Variants in GABRG3 observed in about 807,000 individuals in gnomAD.
The protein encoded by GABRG3 is gamma-aminobutyric acid receptor subunit gamma-3.
In GABRG3, 25 loss-of-function variants were observed where a neutral mutation model predicts 48.8. The ratio of observed to expected loss-of-function variants is 0.51; its 90% CI spans 0.37 to 0.72. The LOEUF (loss-of-function observed/expected upper bound fraction) is 0.72. Ranked by LOEUF, GABRG3 falls within the 30% of genes least tolerant of loss-of-function variation. The pLI is 0.00. For missense variants in GABRG3, 394 were observed against 577.9 expected (o/e 0.68, Z 3.26); for synonymous variants, 227 against 217.6 (o/e 1.04, Z -0.38).
intron 4 of GABRG3, among the ~76,000 whole-genome samples, 155 bp downstream of exon 4, chr15:27,327,184 C>A (rs760819618): frequency 2.6e-5 from 4 of 152,160 alleles, no homozygotes; most frequent in African/African-American, 9.7e-5. Flanking sequence ...CCTCATGCAA[C>A]ATGTGTAAAA....
At chr15:27,425,865 A>G (rs932889282) in intron 5 of GABRG3, among the ~76,000 whole-genome samples, 3 of 152,156 alleles carry the variant, frequency 2.0e-5, no homozygotes, top group Non-Finnish European at 4.4e-5. Flanking sequence ...CTTTTATTCA[A>G]TGTTTGAAAC....
rs76513984 is a variant in GABRG3 at position 27,094,016 on chromosome 15, T to C, written c.270+67195T>C. On this transcript the variant is annotated intron_variant, in intron 3 of 9. Transcript: ENST00000615808. ...CTCCTGCCATTGTTCTGACACCTGA[T>C]GTTGGTTTTATGCATGCAGATCACA... 2.1e-3 allele frequency among the ~76,000 whole-genome samples: 326 copies of C among 152,284 alleles called. 3 individuals are homozygous for C. Among genetic ancestry groups the C allele is most frequent in the East Asian group, 6.6e-3 (34 of 5,176 alleles).
Position 26,989,771 on chromosome 15 carries a change from C to A in GABRG3, c.202+12621C>A, listed in dbSNP as rs568764213. Reference sequence around the variant, plus strand: ...ATATTCATTAACTGTCCCCACCTTCCCCTCCTCCTCACCACCCTTCCCAGC... The same window carrying A: ...ATATTCATTAACTGTCCCCACCTTCACCTCCTCCTCACCACCCTTCCCAGC... On this transcript the variant is annotated intron_variant, in intron 2 of 9. Transcript: ENST00000615808. Among the ~76,000 whole-genome samples, 92 of 152,178 alleles carry A rather than the reference C, an allele frequency of 6.0e-4. No homozygotes were observed. In the South Asian group the frequency reaches 9.3e-3, roughly 15 times the overall value.
chr15:27,488,377 A>G (rs572822163), intron 6 of GABRG3, among the ~76,000 whole-genome samples: 2 of 152,288 alleles, frequency 1.3e-5, no homozygotes, highest in African/African-American at 4.8e-5. Flanking sequence ...GAGGTTGAGA[A>G]TGTGATGCTG....
intron 5 of GABRG3, among the ~76,000 whole-genome samples, chr15:27,330,078 A>T (rs1893753555): frequency 6.6e-6 from 1 of 152,146 alleles, no homozygotes; most frequent in South Asian, 2.1e-4. Context: ...TGTCTCTACT[A>T]AAAATACAAA....
chr15:27,336,765 A>G (rs537334348), intron 5 of GABRG3, among the ~76,000 whole-genome samples: 1 of 152,222 alleles, frequency 6.6e-6, no homozygotes, highest in South Asian at 2.1e-4. Flanking sequence ...AACAGCCCTC[A>G]TGTTCTTCAG....
At chr15:27,177,076 T>C (rs1468001411) in intron 3 of GABRG3, among the ~76,000 whole-genome samples, 1 of 152,110 alleles carries the variant, frequency 6.6e-6, no homozygotes, top group East Asian at 1.9e-4. Flanking sequence ...GCTAGGGTTT[T>C]TAAGGATAAC....
intron 2 of GABRG3, among the ~76,000 whole-genome samples, chr15:27,011,162 C>CG (rs904235097): frequency 7.2e-5 from 11 of 152,144 alleles, no homozygotes; most frequent in Non-Finnish European, 8.8e-5. Flanking sequence ...CCACTGTTCC[C>CG]GGGCAAACAC....
chr15:27,018,410 A>T (rs1041712228), intron 2 of GABRG3, among the ~76,000 whole-genome samples: 1 of 152,198 alleles, frequency 6.6e-6, no homozygotes, highest in Non-Finnish European at 1.5e-5. Context: ...AAGGTCTTTT[A>T]ATAGTATATT....
At chr15:27,091,341 T>G (rs564355937) in intron 3 of GABRG3, among the ~76,000 whole-genome samples, 10 of 152,378 alleles carry the variant, frequency 6.6e-5, no homozygotes, top group African/African-American at 2.2e-4. Flanking sequence ...TTGATCATGA[T>G]GTATAATCCC....
chr15:27,228,355 A>G (rs1029740795), intron 3 of GABRG3, among the ~76,000 whole-genome samples: 2 of 152,210 alleles, frequency 1.3e-5, no homozygotes, highest in Non-Finnish European at 2.9e-5. Flanking sequence ...TAAGAGTGGT[A>G]GCCTCCAGCT....
intron 3 of GABRG3, among the ~76,000 whole-genome samples, chr15:27,067,429 C>T (rs1226814047): frequency 6.6e-6 from 1 of 152,158 alleles, no homozygotes; most frequent in African/African-American, 2.4e-5. Context: ...TCGCCTCTGC[C>T]CCTTTCCGGA....
intron 3 of GABRG3, among the ~76,000 whole-genome samples, chr15:27,081,495 C>A (rs998621630): frequency 2.6e-5 from 4 of 152,016 alleles, no homozygotes; most frequent in Non-Finnish European, 5.9e-5. Flanking sequence ...AATAGAAATA[C>A]ATTCATTGAT....
In GABRG3 at chr15:27,466,659, A is replaced by G. The variant is rs554176622; in HGVS notation, c.575-13991A>G. On this transcript the variant is annotated intron_variant, in intron 5 of 9. Transcript: ENST00000615808. ...CTTCTGTAGACAAAAGGCTGTGCAC[A>G]GTGTAATTTTTCTCTGAGGCTGCTG... is the stretch of plus-strand genomic sequence containing the variant. 1.6e-3 allele frequency among the ~76,000 whole-genome samples: 247 copies of G among 152,324 alleles called. 2 individuals carry two copies. The highest frequency in any genetic ancestry group is 2.9e-3 in the Non-Finnish European group (194 of 68,034).
intron 9 of GABRG3, among the ~76,000 whole-genome samples, chr15:27,531,591 C>T (rs1232685693): frequency 6.6e-6 from 1 of 152,198 alleles, no homozygotes; most frequent in African/African-American, 2.4e-5. Flanking sequence ...CTGCCATTGG[C>T]ATCCCATCTC....
chr15:27,253,298 C>T (rs1346976800), intron 3 of GABRG3, among the ~76,000 whole-genome samples: 1 of 152,188 alleles, frequency 6.6e-6, no homozygotes, highest in Admixed American at 6.5e-5. Flanking sequence ...CAGAGCAGCT[C>T]CACACCCCAG....
At chr15:27,033,379 C>T (rs1896120710) in intron 3 of GABRG3, among the ~76,000 whole-genome samples, 1 of 152,048 alleles carries the variant, frequency 6.6e-6, no homozygotes, top group Admixed American at 6.5e-5. Flanking sequence ...CCCATCCTAG[C>T]CATGCATCCT....
At position 27,431,426 on chromosome 15, in the gene GABRG3, G is replaced by C. The variant is rs188820290; in HGVS notation, c.575-49224G>C. Reference sequence around the variant, plus strand: ...TTTTTATTCTAATCGTTTTTTTGTGGATTCATTAGGAATTTCTATATATGA... The same window carrying C: ...TTTTTATTCTAATCGTTTTTTTGTGCATTCATTAGGAATTTCTATATATGA... On this transcript the variant is annotated intron_variant, in intron 5 of 9. Coordinates refer to ENST00000615808, the MANE Select transcript of GABRG3 (RefSeq NM_033223.5). 2.6e-4 allele frequency among the ~76,000 whole-genome samples: 40 copies of C among 152,034 alleles called. No homozygotes were observed. In the East Asian group the frequency reaches 7.3e-3, roughly 28 times the overall value.
At chr15:27,284,285 A>G (rs561101989) in intron 3 of GABRG3, among the ~76,000 whole-genome samples, 2 of 152,368 alleles carry the variant, frequency 1.3e-5, no homozygotes, top group South Asian at 4.1e-4. Context: ...AAAAATATTT[A>G]GAAGCCAATT....
Sources: gnomAD v4.1 joint callset for allele counts (sites outside exome capture counted in the v4.1 genomes callset) on GRCh38, gnomAD v4.1.1 for gene constraint, MANE v1.5 for transcripts, NCBI Gene and HGNC (gene_info 2026-07-23, HGNC 2026-07-21) for gene names.